The following RFTN1 variants were observed in gnomAD, a reference collection of about 807,000 sequenced individuals.
RFTN1 encodes the protein raftlin.
RFTN1 carries 26 observed loss-of-function variants against 46.5 expected under a neutral mutation model. The ratio of observed to expected loss-of-function variants is 0.56; its 90% confidence interval spans 0.41 to 0.78. RFTN1 has a LOEUF of 0.78. Among genes scored for constraint, RFTN1 ranks in the 30% least tolerant of loss-of-function variants. The pLI, the probability that RFTN1 is intolerant of heterozygous loss-of-function variation, is 0.00. For missense variants in RFTN1, 693 were observed against 718.7 expected, an observed-to-expected ratio of 0.96 and a Z score of 0.41; for synonymous variants, 261 against 284.2, an observed-to-expected ratio of 0.92 and a Z score of 0.82.
In RFTN1 at chr3:16,507,822, CAT is replaced by C. The variant is rs34533718; in HGVS notation, c.-9+5618_-9+5619del. 0.35 allele frequency among the ~76,000 whole-genome samples: 52,110 copies of C among 150,730 alleles called. 9,011 individuals are homozygous for C. Among genetic ancestry groups the C allele is most frequent in the South Asian group, 0.48 (2,301 of 4,766 alleles). On this transcript the variant is annotated intron_variant, in intron 1 of 9. Transcript: ENST00000334133. The surrounding 1 kb of genome is among the most constrained non-coding windows in gnomAD (Gnocchi z 7.1). Reference sequence around the variant, plus strand: ...ACACACAAACGCACATACATACATACATACACACACACACACATACACACATA... The same window carrying C: ...ACACACAAACGCACATACATACATACACACACACACACACATACACACATA...
intron 2 of RFTN1, among the ~76,000 whole-genome samples, chr3:16,454,490 T>C (rs973653531): frequency 1.4e-4 from 22 of 152,248 alleles, no homozygotes; most frequent in African/African-American, 5.3e-4. Flanking sequence ...CTGAGGACGA[T>C]TGTGTGAGAG....
intron 2 of RFTN1, chr3:16,482,820 A>G (rs1435137214): frequency 6.5e-7 from 1 of 1,535,968 alleles, no homozygotes; most frequent in African/African-American, 1.4e-5. Context: ...GGGAGGGCGC[A>G]GGGGCAGAAC....
chr3:16,384,270 G>C lies in RFTN1; in HGVS notation c.442-6168C>G, dbSNP rs956692083. Among the ~76,000 whole-genome samples the C allele has an allele frequency of 1.3e-5, 2 of 152,220 alleles. No homozygotes were observed. Among genetic ancestry groups the C allele is most frequent in the Admixed American group, 1.3e-4 (2 of 15,288 alleles). On this transcript the variant is annotated intron_variant, in intron 4 of 9. Transcript: ENST00000334133. The surrounding 1 kb of genome is among the most constrained non-coding windows in gnomAD (Gnocchi z 4.7). ...TTGGCCCCCACTATCACATGAGCCA[G>C]TTCCTTAAAATAATCAATTTTCTCT...
chr3:16,336,379 G>A lies in RFTN1; in HGVS notation c.1147-9503C>T, dbSNP rs1285145914. Among the ~76,000 whole-genome samples the A allele has an allele frequency of 6.6e-6, 1 of 152,188 alleles. No homozygotes were observed. Among genetic ancestry groups the A allele is most frequent in the African/African-American group, 2.4e-5 (1 of 41,456 alleles). On this transcript the variant is annotated intron_variant, in intron 7 of 9. Transcript: ENST00000334133. This position sits in a 1 kb window ranked among gnomAD's most constrained non-coding sequence, Gnocchi z 6.0. ...CCAGTGGAGCCCATGGAGGTGAGGTGGAGGGAGGGAGAAGGGAAGGGGCGA... is the reference window on the plus strand; with the variant it reads ...CCAGTGGAGCCCATGGAGGTGAGGTAGAGGGAGGGAGAAGGGAAGGGGCGA...
chr3:16,401,502 C>T (rs1422751811), intron 4 of RFTN1, among the ~76,000 whole-genome samples: 2 of 152,184 alleles, frequency 1.3e-5, no homozygotes, highest in Non-Finnish European at 2.9e-5. Context: ...CGGTGGGCCC[C>T]TCCCACTTGA....
intron 4 of RFTN1, among the ~76,000 whole-genome samples, chr3:16,393,103 A>G (rs2074388543): frequency 6.6e-6 from 1 of 152,196 alleles, no homozygotes; most frequent in Non-Finnish European, 1.5e-5. Flanking sequence ...AATACACACA[A>G]TAAGTAAAAA....
chr3:16,456,089 G>A (rs562239856), intron 2 of RFTN1, among the ~76,000 whole-genome samples: 56 of 151,980 alleles, frequency 3.7e-4, no homozygotes, highest in Non-Finnish European at 7.2e-4. Flanking sequence ...GAACATGAGC[G>A]AAACTTTACA....
rs867854874 is a variant in RFTN1, at chr3:16,507,734, T to C, written c.-9+5708A>G. Reference sequence around the variant, plus strand: ...ACATACACACATACACACAAACACATACACACATACATGCACACTCACATA... The same window carrying C: ...ACATACACACATACACACAAACACACACACACATACATGCACACTCACATA... On this transcript the variant is annotated intron_variant, in intron 1 of 9. Transcript: ENST00000334133. The surrounding 1 kb of genome is among the most constrained non-coding windows in gnomAD (Gnocchi z 7.1). Among the ~76,000 whole-genome samples the C allele has an allele frequency of 3.4e-5, 5 of 145,972 alleles. No individual in the cohort carries two copies. The highest frequency in any genetic ancestry group is 1.3e-4 in the African/African-American group (5 of 39,138).
rs2075954161 is a variant in RFTN1, at chr3:16,458,558, C to A, written c.146-24521G>T. ...TTTTCAATAGTGGATCTTTATTGAG[C>A]TTTTCCATCTTTGTAAATCGTAAAT... On this transcript the variant is annotated intron_variant, in intron 2 of 9. Transcript: ENST00000334133. This position sits in a 1 kb window ranked among gnomAD's most constrained non-coding sequence, Gnocchi z 5.1. Among the ~76,000 whole-genome samples, 1 of 152,162 alleles carries A rather than the reference C, an allele frequency of 6.6e-6. No homozygotes were observed. The highest frequency in any genetic ancestry group is 1.5e-5 in the Non-Finnish European group (1 of 68,028).
intron 4 of RFTN1, among the ~76,000 whole-genome samples, chr3:16,389,017 C>T (rs1271783613): frequency 6.6e-6 from 1 of 151,896 alleles, no homozygotes; most frequent in Admixed American, 6.6e-5. Flanking sequence ...GTCAAAAGAA[C>T]ATAAGTTTAA....
At chr3:16,394,830 T>C (rs568657156) in intron 4 of RFTN1, among the ~76,000 whole-genome samples, 9 of 152,354 alleles carry the variant, frequency 5.9e-5, no homozygotes, top group African/African-American at 2.2e-4. Context: ...CCTAATGTTA[T>C]GTGACTGAGC....
In RFTN1 at chr3:16,468,707, G is replaced by A. The variant is rs937792824; in HGVS notation, c.145+25018C>T. Among the ~76,000 whole-genome samples the A allele has an allele frequency of 1.3e-5, 2 of 151,422 alleles. No individual in the cohort carries two copies. Among genetic ancestry groups the A allele is most frequent in the East Asian group, 1.9e-4 (1 of 5,186 alleles). On this transcript the variant is annotated intron_variant, in intron 2 of 9. Transcript: ENST00000334133. The surrounding 1 kb of genome is among the most constrained non-coding windows in gnomAD (Gnocchi z 4.4). Reference sequence around the variant, plus strand: ...CAGATCTCAGATTAAAAATGGTAAGGAAATTGCAACTAGCTGTAGCCAATT... The same window carrying A: ...CAGATCTCAGATTAAAAATGGTAAGAAAATTGCAACTAGCTGTAGCCAATT...
At chr3:16,462,766 C>T (rs1235154304) in intron 2 of RFTN1, among the ~76,000 whole-genome samples, 1 of 152,252 alleles carries the variant, frequency 6.6e-6, no homozygotes, top group African/African-American at 2.4e-5. Context: ...TCATAGACAG[C>T]AGCCCCAGGA....
In RFTN1 at chr3:16,317,340, A is replaced by C. The variant is rs1400254801; in HGVS notation, c.1333-108T>G. On this transcript the variant is annotated intron_variant, in intron 9 of 9. Coordinates refer to ENST00000334133, the MANE Select transcript of RFTN1 (RefSeq NM_015150.2). The surrounding 1 kb of genome is among the most constrained non-coding windows in gnomAD (Gnocchi z 4.3). The stretch of plus-strand genomic sequence containing the variant: ...CACACCATGTCTGAGTGAGACATAC[A>C]ATTCCCAGCATCCCCCAGCCAGGCA... The C allele has an allele frequency of 2.6e-6, 3 of 1,171,548 alleles. No homozygotes were observed. The highest frequency in any genetic ancestry group is 2.3e-5 in the Admixed American group (1 of 42,560). The allele number at this position is 1,171,548 out of a possible 1,614,324, so 72.6% of individuals were successfully genotyped here.
rs1188453757 is a variant in RFTN1, at chr3:16,348,911, C to A, written c.1146+9021G>T. Among the ~76,000 whole-genome samples the A allele has an allele frequency of 6.6e-6, 1 of 152,208 alleles. No individual in the cohort carries two copies. The highest frequency in any genetic ancestry group is 2.4e-5 in the African/African-American group (1 of 41,450). Reference sequence around the variant, plus strand: ...CCACACACATTTCAGAACACCCGAGCAAGTGGCTGCTGCCAAGGAGGAGGC... The same window carrying A: ...CCACACACATTTCAGAACACCCGAGAAAGTGGCTGCTGCCAAGGAGGAGGC... On this transcript the variant is annotated intron_variant, in intron 7 of 9. Coordinates refer to ENST00000334133, the MANE Select transcript of RFTN1 (RefSeq NM_015150.2). This position sits in a 1 kb window ranked among gnomAD's most constrained non-coding sequence, Gnocchi z 6.3.
rs536229542 is a variant in RFTN1, at chr3:16,413,251, T to C, written c.333-3768A>G. The stretch of plus-strand genomic sequence containing the variant: ...GACATCTGAAAGCAGCTCCATCAGG[T>C]GAGGAGTGTTCTGTGTCCCTGAGGG... On this transcript the variant is annotated intron_variant, in intron 3 of 9. Coordinates refer to ENST00000334133, the MANE Select transcript of RFTN1 (RefSeq NM_015150.2). This position sits in a 1 kb window ranked among gnomAD's most constrained non-coding sequence, Gnocchi z 4.7. 2.6e-5 allele frequency among the ~76,000 whole-genome samples: 4 copies of C among 152,296 alleles called. No homozygotes were observed. The highest frequency in any genetic ancestry group is 1.3e-4 in the Admixed American group (2 of 15,302).
Position 16,346,727 on chromosome 3 carries a change from C to A in RFTN1, c.1146+11205G>T, listed in dbSNP as rs1434589501. 1.3e-5 allele frequency among the ~76,000 whole-genome samples: 2 copies of A among 152,136 alleles called. No individual in the cohort carries two copies. Among genetic ancestry groups the A allele is most frequent in the Non-Finnish European group, 2.9e-5 (2 of 68,038 alleles). ...GCTTTTACTTGCTAATAAAAAGGGA[C>A]GTGTGGCAGGAAAAAACTGCCCCGT... On this transcript the variant is annotated intron_variant, in intron 7 of 9. Transcript: ENST00000334133. This position sits in a 1 kb window ranked among gnomAD's most constrained non-coding sequence, Gnocchi z 4.4.
In RFTN1 at chr3:16,397,132, G is replaced by A. The variant is rs147385010; in HGVS notation, c.441+12243C>T. On this transcript the variant is annotated intron_variant, in intron 4 of 9. Transcript: ENST00000334133. ...TCAACAGATGAATGGATGAAAAATT[G>A]TAAGAGGTATATGTGTGTGTGTCTA... Among the ~76,000 whole-genome samples the A allele has an allele frequency of 4.5e-4, 68 of 151,348 alleles. 2 individuals are homozygous for A. The East Asian group carries it at 7.6e-3, about 17-fold the overall frequency.
chr3:16,347,779 C>T (rs1201185179), intron 7 of RFTN1: 1 of 152,198 alleles, frequency 6.6e-6, no homozygotes, highest in East Asian at 1.9e-4. Context: ...TATTATAAAG[C>T]CTCCAATAAC....
Sources: gnomAD v4.1 joint callset for allele counts (sites outside exome capture counted in the v4.1 genomes callset) on GRCh38, gnomAD v4.1.1 for gene constraint, Gnocchi (gnomAD v3.1) non-coding constraint, MANE v1.5 for transcripts, NCBI Gene and HGNC (gene_info 2026-07-23, HGNC 2026-07-21) for gene names.